Variants in SDK1 observed in about 807,000 individuals in gnomAD.
SDK1 encodes the protein sidekick cell adhesion molecule 1.
A neutral mutation model predicts 245.5 loss-of-function variants in SDK1; 157 were observed. The observed-to-expected ratio is 0.64, with a 90% CI of 0.56 to 0.73. The LOEUF is 0.73. SDK1 is among the 30% of genes least tolerant of loss of function. The pLI, the probability that SDK1 is intolerant of heterozygous loss-of-function variation, is 0.00. For missense variants in SDK1, 3,583 were observed against 3,002.3 expected (o/e 1.19, Z -4.52); for synonymous variants, 1,647 against 1,278.5 (o/e 1.29, Z -6.15).
In SDK1 at chr7:4,210,109, A is replaced by G. The variant is rs1241696794; in HGVS notation, c.5486A>G (p.Asn1829Ser). The change falls in exon 38 of 45, where the codon AAC (asparagine) becomes AGC (serine). Residue 1829 changes from asparagine (N) to serine (S), a missense_variant. Physicochemically the swap from Asn to Ser is conservative, Grantham distance 46. Coordinates refer to ENST00000404826, the MANE Select transcript of SDK1 (RefSeq NM_152744.4). Reference sequence around the variant, plus strand: ...TCCTGGGGCGAGCCTGCGGCGGCCAACGGCATCCTGCAGGGCTATCGGGTG... The same window carrying G: ...TCCTGGGGCGAGCCTGCGGCGGCCAGCGGCATCCTGCAGGGCTATCGGGTG... ...NVSWGEPAAANGILQGYRVVY... is the reference protein window; with the variant it reads ...NVSWGEPAAASGILQGYRVVY... The G allele has an allele frequency of 1.2e-5, 19 of 1,610,150 alleles. No homozygotes were observed. Among genetic ancestry groups the G allele is most frequent in the South Asian group, 5.5e-5 (5 of 90,456 alleles).
At chr7:4,194,245 G>GTATATAC (rs1562415431) in intron 35 of SDK1, among the ~76,000 whole-genome samples, 3 of 148,138 alleles carry the variant, frequency 2.0e-5, no homozygotes, top group African/African-American at 7.8e-5. Context: ...TACATGTATA[G>GTATATAC]ATATATGTAT....
chr7:4,150,855 G>C (rs759683932), intron 30 of SDK1, among the ~76,000 whole-genome samples: 5 of 152,236 alleles, frequency 3.3e-5, no homozygotes, highest in Non-Finnish European at 7.3e-5. Context: ...GCCCATGACA[G>C]AGGCGAAGCA....
intron 5 of SDK1, among the ~76,000 whole-genome samples, chr7:3,897,827 CCT>C (rs1781653981): frequency 6.6e-6 from 1 of 151,606 alleles, no homozygotes; most frequent in South Asian, 2.1e-4. Flanking sequence ...GATCAAATCC[CCT>C]TTCTTTCCAT....
At chr7:3,760,208 A>AT (rs1554259012) in intron 4 of SDK1, among the ~76,000 whole-genome samples, 3 of 152,182 alleles carry the variant, frequency 2.0e-5, no homozygotes, top group Non-Finnish European at 4.4e-5. Flanking sequence ...GGGTGGCTGC[A>AT]TATACAGTGA....
In SDK1 at chr7:3,477,138, A is replaced by G. The variant is rs776475330; in HGVS notation, c.299-141942A>G. Among the ~76,000 whole-genome samples, 16 of 134,810 alleles carry G rather than the reference A, an allele frequency of 1.2e-4. No individual in the cohort carries two copies. In the East Asian group the frequency reaches 1.5e-3, roughly 13 times the overall value. The allele number at this position is 134,810 out of a possible 152,430, so 88.4% of individuals were successfully genotyped here. A position where few individuals can be genotyped will look rare whatever the true frequency, so the allele number is the denominator to read the frequency against. On this transcript the variant is annotated intron_variant, in intron 1 of 44. Coordinates refer to ENST00000404826, the MANE Select transcript of SDK1 (RefSeq NM_152744.4). ...TTGTTTAAGCTAGTTGAGATTTCCTATTTGTAGCTTGAAATATCCTAACAC... is the reference window on the plus strand; with the variant it reads ...TTGTTTAAGCTAGTTGAGATTTCCTGTTTGTAGCTTGAAATATCCTAACAC...
At chr7:3,687,251 C>T (rs1784313969) in intron 4 of SDK1, among the ~76,000 whole-genome samples, 1 of 151,128 alleles carries the variant, frequency 6.6e-6, no homozygotes, top group Non-Finnish European at 1.5e-5. Flanking sequence ...AGCTCAGCCT[C>T]CCAAGGAGCT....
At chr7:3,633,913 C>T (rs944415124) in intron 2 of SDK1, among the ~76,000 whole-genome samples, 2 of 152,094 alleles carry the variant, frequency 1.3e-5, no homozygotes, top group South Asian at 4.1e-4. Flanking sequence ...TACTGGCCAT[C>T]ACTGCTTGAG....
chr7:3,652,904 A>C (rs1425874414), intron 4 of SDK1, among the ~76,000 whole-genome samples: 1 of 152,152 alleles, frequency 6.6e-6, no homozygotes, highest in African/African-American at 2.4e-5. Context: ...GAGGTGAAGG[A>C]TGTTCCAGTA....
chr7:3,629,063 CG>C (rs1782205342), intron 2 of SDK1, among the ~76,000 whole-genome samples: 1 of 151,348 alleles, frequency 6.6e-6, no homozygotes, highest in Admixed American at 6.6e-5. Context: ...GAGGCGGAGA[CG>C]GGCAGATCAC....
chr7:3,530,660 G>A (rs1035186782), intron 1 of SDK1, among the ~76,000 whole-genome samples: 6 of 152,130 alleles, frequency 3.9e-5, no homozygotes, highest in African/African-American at 1.4e-4. Context: ...AATATATTAT[G>A]TATTAATATT....
chr7:3,542,019 C>A (rs1779066843), intron 1 of SDK1, among the ~76,000 whole-genome samples: 1 of 152,218 alleles, frequency 6.6e-6, no homozygotes, highest in Admixed American at 6.5e-5. Context: ...CAAACCTGCA[C>A]ATTGTGCACA....
intron 4 of SDK1, among the ~76,000 whole-genome samples, chr7:3,818,746 A>G (rs1404266224): frequency 6.6e-6 from 1 of 152,186 alleles, no homozygotes; most frequent in African/African-American, 2.4e-5. Flanking sequence ...TCTATGAGAT[A>G]ATGAAGGACC....
At chr7:3,805,876 C>A (rs771668062) in intron 4 of SDK1, among the ~76,000 whole-genome samples, 1 of 152,128 alleles carries the variant, frequency 6.6e-6, no homozygotes, top group Non-Finnish European at 1.5e-5. Flanking sequence ...CTCTTTAAAC[C>A]CTTTTTCTCC....
chr7:3,314,541 G>A (rs1368344293), intron 1 of SDK1, among the ~76,000 whole-genome samples: 2 of 152,138 alleles, frequency 1.3e-5, no homozygotes, highest in African/African-American at 4.8e-5. Flanking sequence ...AGATGAGATT[G>A]TAGCCATTTG....
chr7:3,581,816 A>G (rs868737480), intron 1 of SDK1, among the ~76,000 whole-genome samples: 6 of 152,362 alleles, frequency 3.9e-5, no homozygotes, highest in Non-Finnish European at 7.3e-5. Flanking sequence ...CTATGCGGCC[A>G]TGAAATAGAA....
intron 23 of SDK1, among the ~76,000 whole-genome samples, chr7:4,111,655 C>G (rs562060886): frequency 6.6e-6 from 1 of 152,226 alleles, no homozygotes; most frequent in South Asian, 2.1e-4. Flanking sequence ...TTAAAATGAG[C>G]TGTTGGGATT....
chr7:3,581,559 T>G (rs1191479604), intron 1 of SDK1, among the ~76,000 whole-genome samples: 1 of 152,130 alleles, frequency 6.6e-6, no homozygotes, highest in Non-Finnish European at 1.5e-5. Context: ...GAGGGTAAAT[T>G]AGTTAAACCA....
At chr7:3,519,512 A>G (rs1782864041) in intron 1 of SDK1, among the ~76,000 whole-genome samples, 1 of 152,094 alleles carries the variant, frequency 6.6e-6, no homozygotes, top group South Asian at 2.1e-4. Flanking sequence ...ACATTTCTGT[A>G]TTGCTTGCTA....
chr7:3,711,470 A>T lies in SDK1; in HGVS notation c.713+69365A>T, dbSNP rs114006423. Reference sequence around the variant, plus strand: ...TGTGAATTCTATGAAGGAAACAATGACTCAGGTCATGGAGGTGATAGTTTG... The same window carrying T: ...TGTGAATTCTATGAAGGAAACAATGTCTCAGGTCATGGAGGTGATAGTTTG... On this transcript the variant is annotated intron_variant, in intron 4 of 44. Transcript: ENST00000404826. Among the ~76,000 whole-genome samples the T allele has an allele frequency of 1.9e-3, 283 of 152,228 alleles. 1 individual carries two copies. The highest frequency in any genetic ancestry group is 6.6e-3 in the African/African-American group (276 of 41,536).
Sources: gnomAD v4.1 joint callset for allele counts (sites outside exome capture counted in the v4.1 genomes callset) on GRCh38, gnomAD v4.1.1 for gene constraint, MANE v1.5 for transcripts, NCBI Gene and HGNC (gene_info 2026-07-23, HGNC 2026-07-21) for gene names.